OR2M7: variants seen among roughly 807,000 people sequenced by gnomAD.
OR2M7 encodes olfactory receptor 2M7.
For missense variants in OR2M7, 390 were observed against 386.8 expected, an observed-to-expected ratio of 1.01 and a Z score of -0.07; for synonymous variants, 129 against 135.0, an observed-to-expected ratio of 0.96 and a Z score of 0.31.
rs770133631 is a variant in OR2M7, at chr1:248,324,562, A to G, written c.7T>C (p.Trp3Arg). Reference sequence around the variant, plus strand: ...TCAGAGTTGAAGGTCTGATTCTCCCATGCCATGATGAATATGCCTGTTACC... The same window carrying G: ...TCAGAGTTGAAGGTCTGATTCTCCCGTGCCATGATGAATATGCCTGTTACC... MA[W>R]ENQTFNSDFL... Residue 3 changes from tryptophan (W) to arginine (R), a missense_variant, in exon 1 of 1, where the codon TGG becomes CGG. By Grantham distance (101) the Trp-to-Arg change is moderately radical. Transcript: ENST00000317965. The G allele has an allele frequency of 1.6e-5, 25 of 1,594,880 alleles. No homozygotes were observed. In the East Asian group the frequency reaches 5.6e-4, roughly 36 times the overall value.
chr1:248,323,815 A>G lies in OR2M7; in HGVS notation c.754T>C (p.Tyr252His), dbSNP rs747371800. The change falls in exon 1 of 1, where the codon TAT (tyrosine) becomes CAT (histidine). Residue 252 changes from tyrosine to histidine, a missense_variant. Tyr to His is a moderately conservative substitution (Grantham distance 83, BLOSUM62 2). Coordinates refer to ENST00000317965, the MANE Select transcript of OR2M7 (RefSeq NM_001004691.1). ...SSHLMVVGMY[Y>H]GAGLFMCIQP... is the part of the protein sequence containing the mutation. ...ATGCACATGAACAAACCTGCTCCAT[A>G]GTACATTCCCACCACCATGAGGTGA... is the stretch of plus-strand genomic sequence containing the variant. The G allele has an allele frequency of 5.4e-5, 87 of 1,613,634 alleles. No homozygotes were observed. The highest frequency in any genetic ancestry group is 7.2e-5 in the Non-Finnish European group (85 of 1,179,796).
Position 248,323,646 on chromosome 1 carries a change from C to T in OR2M7, c.923G>A (p.Gly308Asp), listed in dbSNP as rs1660109238. The change falls in exon 1 of 1, where the codon GGC (glycine) becomes GAC (aspartate). Residue 308 changes from glycine (G) to aspartate (D), a missense_variant. Transcript: ENST00000317965. ...TGAGGTAACTCAATCTCCAGACTTG[C>T]CCTTTCCTAAGATTTTCATTAATGC... is the stretch of plus-strand genomic sequence containing the variant. ...TRALMKILGKGKSGD is the reference protein window; with the variant it reads ...TRALMKILGKDKSGD 1.3e-6 allele frequency: 2 copies of T among 1,582,566 alleles called. No individual in the cohort carries two copies. Among genetic ancestry groups the T allele is most frequent in the Middle Eastern group, 3.4e-4 (2 of 5,878 alleles).
rs1244334303 is a variant in OR2M7 at position 248,324,202 on chromosome 1, A to G, written c.367T>C (p.Tyr123His). The G allele has an allele frequency of 6.2e-7, 1 of 1,614,074 alleles. No homozygotes were observed. The highest frequency in any genetic ancestry group is 8.5e-7 in the Non-Finnish European group (1 of 1,179,952). Reference sequence around the variant, plus strand: ...CTTAGAGGGTGGCAAATGGCAGTGTAGCGGTCATAAGACATAACAGCCAAC... The same window carrying G: ...CTTAGAGGGTGGCAAATGGCAGTGTGGCGGTCATAAGACATAACAGCCAAC... ...FLLAVMSYDR[Y>H]TAICHPLRYT... The change falls in exon 1 of 1, where the codon TAC (tyrosine) becomes CAC (histidine). Residue 123 changes from tyrosine (Y) to histidine (H), a missense_variant. By Grantham distance (83) the Tyr-to-His change is moderately conservative. Coordinates refer to ENST00000317965, the MANE Select transcript of OR2M7 (RefSeq NM_001004691.1).
chr1:248,324,017 T>G lies in OR2M7; in HGVS notation c.552A>C (p.Leu184=), dbSNP rs1243768769. ...IAHFCCDFPS[L]LILSCNDTSI... ...ATGTGTCATTGCATGAGAGGATTAG[T>G]AGGGAAGGGAAGTCACAGCAGAAGT... The change falls in exon 1 of 1, where the codon CTA becomes CTC. Residue 184 remains leucine, a synonymous_variant. Coordinates refer to ENST00000317965, the MANE Select transcript of OR2M7 (RefSeq NM_001004691.1). 1 of 1,613,720 alleles carries G rather than the reference T, an allele frequency of 6.2e-7. No individual in the cohort carries two copies. The highest frequency in any genetic ancestry group is 8.5e-7 in the Non-Finnish European group (1 of 1,179,786).
In OR2M7 at chr1:248,324,083, C is replaced by T. The variant is rs764892113; in HGVS notation, c.486G>A (p.Ala162=). The change falls in exon 1 of 1, where the codon GCG becomes GCA. Residue 162 remains alanine, a synonymous_variant. Transcript: ENST00000317965. ...ACCCACAGTAGGAGAAGGAAAATGT[C>T]GCTACAGCATCAATGATTCCATCTG... ...GSTDGIIDAV[A]TFSFSYCGSR... 22 of 1,613,698 alleles carry T rather than the reference C, an allele frequency of 1.4e-5. No homozygotes were observed. Among genetic ancestry groups the T allele is most frequent in the East Asian group, 2.2e-5 (1 of 44,888 alleles).
At position 248,323,984 on chromosome 1, in the gene OR2M7, A is replaced by G. The variant is rs773428050; in HGVS notation, c.585T>C (p.Phe195=). 3.7e-6 allele frequency: 6 copies of G among 1,613,918 alleles called. No individual in the cohort carries two copies. In the East Asian group the frequency reaches 1.3e-4, roughly 36 times the overall value. The stretch of plus-strand genomic sequence containing the variant: ...TACAGCAGATGAAAATAACCTCTTC[A>G]AATATTGATGTGTCATTGCATGAGA... ...LILSCNDTSI[F]EEVIFICCIV... The change falls in exon 1 of 1, where the codon TTT becomes TTC. Residue 195 remains phenylalanine (F), a synonymous_variant. Transcript: ENST00000317965.
At position 248,323,824 on chromosome 1, in the gene OR2M7, C is replaced by G. The variant is rs777303802; in HGVS notation, c.745G>C (p.Gly249Arg). 2 of 1,613,412 alleles carry G rather than the reference C, an allele frequency of 1.2e-6. No homozygotes were observed. The highest frequency in any genetic ancestry group is 4.5e-5 in the East Asian group (2 of 44,878). Residue 249 changes from glycine (G) to arginine (R), a missense_variant, in exon 1 of 1, where the codon GGA (glycine) becomes CGA (arginine). Transcript: ENST00000317965. ...AACAAACCTGCTCCATAGTACATTC[C>G]CACCACCATGAGGTGAGAGGAACAA... Reference protein sequence around the residue: ...TTCSSHLMVVGMYYGAGLFMC... With the variant: ...TTCSSHLMVVRMYYGAGLFMC...
At position 248,323,724 on chromosome 1, in the gene OR2M7, G is replaced by C. The variant is rs1406222713; in HGVS notation, c.845C>G (p.Thr282Ser). 3 of 1,613,446 alleles carry C rather than the reference G, an allele frequency of 1.9e-6. No homozygotes were observed. In the Admixed American group the frequency reaches 5.0e-5, roughly 27 times the overall value. ...KMVSVFYTIV[T>S]PMLNPLIYSL... is the part of the protein sequence containing the mutation. ...ATAAATGAGAGGATTCAGCATGGGA[G>C]TGACGATGGTGTAGAATACAGACAC... is the stretch of plus-strand genomic sequence containing the variant. The change falls in exon 1 of 1, where the codon ACT becomes AGT. Residue 282 changes from threonine (T) to serine (S), a missense_variant. Transcript: ENST00000317965.
chr1:248,323,699 A>G lies in OR2M7; in HGVS notation c.870T>C (p.Tyr290=). The change falls in exon 1 of 1, where the codon TAT becomes TAC. Residue 290 remains tyrosine, a synonymous_variant. Transcript: ENST00000317965. ...TGGTCACTTCCTTGTTGCGGAGGCT[A>G]TAAATGAGAGGATTCAGCATGGGAG... is the stretch of plus-strand genomic sequence containing the variant. The part of the protein sequence containing the change: ...IVTPMLNPLI[Y]SLRNKEVTRA... The G allele has an allele frequency of 1.9e-6, 3 of 1,612,986 alleles. No homozygotes were observed. Among genetic ancestry groups the G allele is most frequent in the Admixed American group, 1.7e-5 (1 of 59,916 alleles).
Position 248,324,209 on chromosome 1 carries a change from A to G in OR2M7, c.360T>C (p.Tyr120=), listed in dbSNP as rs1172449122. Residue 120 remains tyrosine (Y), a synonymous_variant, in exon 1 of 1, where the codon TAT becomes TAC. Coordinates refer to ENST00000317965, the MANE Select transcript of OR2M7 (RefSeq NM_001004691.1). ...GGTGGCAAATGGCAGTGTAGCGGTC[A>G]TAAGACATAACAGCCAACAGAAAGC... is the stretch of plus-strand genomic sequence containing the variant. ...SECFLLAVMS[Y]DRYTAICHPL... is the part of the protein sequence containing the mutation. The G allele has an allele frequency of 1.2e-6, 2 of 1,614,100 alleles. No individual in the cohort carries two copies. Among genetic ancestry groups the G allele is most frequent in the Non-Finnish European group, 8.5e-7 (1 of 1,179,960 alleles).
chr1:248,323,870 T>G lies in OR2M7; in HGVS notation c.699A>C (p.Gly233=). The change falls in exon 1 of 1, where the codon GGA becomes GGC. Residue 233 remains glycine (G), a synonymous_variant. Coordinates refer to ENST00000317965, the MANE Select transcript of OR2M7 (RefSeq NM_001004691.1). ...LAVIHMGSGE[G]RRKAFTTCSS... ...AACAAGTAGTAAAAGCTTTGCGACG[T>G]CCCTCTCCAGATCCCATGTGAATGA... 6.2e-7 allele frequency: 1 copy of G among 1,610,154 alleles called. No individual in the cohort carries two copies. Among genetic ancestry groups the G allele is most frequent in the South Asian group, 1.1e-5 (1 of 91,012 alleles).
Position 248,324,305 on chromosome 1 carries a change from G to T in OR2M7, c.264C>A (p.Gly88=). ...AGCCAGCCATAGAAATGGACTTGCTGCCAGACAAGTAGTTGAAGGCCATCT... is the reference window on the plus strand; with the variant it reads ...AGCCAGCCATAGAAATGGACTTGCTTCCAGACAAGTAGTTGAAGGCCATCT... ...VPKMAFNYLS[G]SKSISMAGCA... The change falls in exon 1 of 1, where the codon GGC becomes GGA. Residue 88 remains glycine, a synonymous_variant. Transcript: ENST00000317965. The T allele has an allele frequency of 1.2e-6, 2 of 1,614,184 alleles. No homozygotes were observed. Among genetic ancestry groups the T allele is most frequent in the Non-Finnish European group, 1.7e-6 (2 of 1,180,020 alleles).
rs1660112377 is a variant in OR2M7, at chr1:248,323,784, G to A, written c.785C>T (p.Pro262Leu). Residue 262 changes from proline to leucine, a missense_variant, in exon 1 of 1, where the codon CCC becomes CTC. Coordinates refer to ENST00000317965, the MANE Select transcript of OR2M7 (RefSeq NM_001004691.1). ...CTGCATAGGAGAATGATGAGATGTGGGCTGAATGCACATGAACAAACCTGC... is the reference window on the plus strand; with the variant it reads ...CTGCATAGGAGAATGATGAGATGTGAGCTGAATGCACATGAACAAACCTGC... ...YGAGLFMCIQ[P>L]TSHHSPMQDK... 6.2e-7 allele frequency: 1 copy of A among 1,613,672 alleles called. No homozygotes were observed. The highest frequency in any genetic ancestry group is 8.5e-7 in the Non-Finnish European group (1 of 1,179,750).
Position 248,323,691 on chromosome 1 carries a change from C to A in OR2M7, c.878G>T (p.Arg293Leu), listed in dbSNP as rs746504653. The part of the protein sequence containing the change: ...PMLNPLIYSL[R>L]NKEVTRALMK... ...TAATGCTCTGGTCACTTCCTTGTTG[C>A]GGAGGCTATAAATGAGAGGATTCAG... The change falls in exon 1 of 1, where the codon CGC becomes CTC. Residue 293 changes from arginine (R) to leucine (L), a missense_variant. Physicochemically the swap from Arg to Leu is moderately radical, Grantham distance 102 (BLOSUM62 -2). Transcript: ENST00000317965. 6 of 1,611,298 alleles carry A rather than the reference C, an allele frequency of 3.7e-6. No homozygotes were observed. Among genetic ancestry groups the A allele is most frequent in the Non-Finnish European group, 5.1e-6 (6 of 1,178,724 alleles).
rs1572842505 is a variant in OR2M7, at chr1:248,323,752, T to G, written c.817A>C (p.Met273Leu). Residue 273 changes from methionine to leucine, a missense_variant, in exon 1 of 1, where the codon ATG (methionine) becomes CTG (leucine). Met to Leu is a conservative substitution (Grantham distance 15). Transcript: ENST00000317965. ...TSHHSPMQDK[M>L]VSVFYTIVTP... The stretch of plus-strand genomic sequence containing the variant: ...ACGATGGTGTAGAATACAGACACCA[T>G]CTTGTCCTGCATAGGAGAATGATGA... The G allele has an allele frequency of 6.2e-7, 1 of 1,613,708 alleles. No individual in the cohort carries two copies. The highest frequency in any genetic ancestry group is 1.1e-5 in the South Asian group (1 of 91,072).
chr1:248,324,333 G>T lies in OR2M7; in HGVS notation c.236C>A (p.Pro79His), dbSNP rs1443494274. ...MDLMLICTTV[P>H]KMAFNYLSGS... ...AGACAAGTAGTTGAAGGCCATCTTGGGTACAGTGGTGCAGATGAGCATGAG... is the reference window on the plus strand; with the variant it reads ...AGACAAGTAGTTGAAGGCCATCTTGTGTACAGTGGTGCAGATGAGCATGAG... Residue 79 changes from proline (P) to histidine (H), a missense_variant, in exon 1 of 1, where the codon CCC (proline) becomes CAC (histidine). Coordinates refer to ENST00000317965, the MANE Select transcript of OR2M7 (RefSeq NM_001004691.1). 6.2e-7 allele frequency: 1 copy of T among 1,613,910 alleles called. No individual in the cohort carries two copies. The highest frequency in any genetic ancestry group is 1.3e-5 in the African/African-American group (1 of 74,900).
chr1:248,323,938 C>T lies in OR2M7; in HGVS notation c.631G>A (p.Val211Ile). Residue 211 changes from valine to isoleucine, a missense_variant, in exon 1 of 1, where the codon GTT (valine) becomes ATT (isoleucine). By Grantham distance (29) the Val-to-Ile change is conservative. Transcript: ENST00000317965. ...ICCIVMLVFPVAIIITSYARV... is the reference protein window; with the variant it reads ...ICCIVMLVFPIAIIITSYARV... ...GCATAGGAAGTGATGATGATTGCAA[C>T]AGGGAAAACAAGCATTACTATACAG... 6.2e-7 allele frequency: 1 copy of T among 1,613,512 alleles called. No individual in the cohort carries two copies. The highest frequency in any genetic ancestry group is 1.1e-5 in the South Asian group (1 of 91,060).
In OR2M7 at chr1:248,324,179, T is replaced by C. The variant is rs139049514; in HGVS notation, c.390A>G (p.Leu130=). ...YDRYTAICHP[L]RYTNLMRPKI... ...TGGGTCTCATGAGATTGGTGTATCT[T>C]AGAGGGTGGCAAATGGCAGTGTAGC... Residue 130 remains leucine (L), a synonymous_variant, in exon 1 of 1, where the codon CTA becomes CTG. Coordinates refer to ENST00000317965, the MANE Select transcript of OR2M7 (RefSeq NM_001004691.1). 44 of 1,613,788 alleles carry C rather than the reference T, an allele frequency of 2.7e-5. No individual in the cohort carries two copies. The highest frequency in any genetic ancestry group is 3.3e-4 in the Middle Eastern group (2 of 6,082).
At position 248,323,860 on chromosome 1, in the gene OR2M7, C is replaced by T; in HGVS notation, c.709G>A (p.Ala237Thr). Residue 237 changes from alanine to threonine, a missense_variant, in exon 1 of 1, where the codon GCT (alanine) becomes ACT (threonine). Physicochemically the swap from Ala to Thr is moderately conservative, Grantham distance 58 (BLOSUM62 0). Coordinates refer to ENST00000317965, the MANE Select transcript of OR2M7 (RefSeq NM_001004691.1). ...HMGSGEGRRK[A>T]FTTCSSHLMV... ...AGGTGAGAGGAACAAGTAGTAAAAGCTTTGCGACGTCCCTCTCCAGATCCC... is the reference window on the plus strand; with the variant it reads ...AGGTGAGAGGAACAAGTAGTAAAAGTTTTGCGACGTCCCTCTCCAGATCCC... 1 of 1,612,838 alleles carries T rather than the reference C, an allele frequency of 6.2e-7. No homozygotes were observed. Among genetic ancestry groups the T allele is most frequent in the Non-Finnish European group, 8.5e-7 (1 of 1,179,808 alleles).
Sources: allele counts gnomAD v4.1 joint callset, GRCh38; gene constraint gnomAD v4.1.1; transcripts MANE v1.5; gene names NCBI Gene and HGNC (gene_info 2026-07-23, HGNC 2026-07-21).